Variants in PCLO observed in about 807,000 individuals in gnomAD.
PCLO encodes piccolo presynaptic cytomatrix protein.
Under a neutral mutation model 427.5 loss-of-function variants are expected in PCLO, and 82 were observed. That is an observed-to-expected ratio of 0.19 (90% CI 0.16 to 0.23). The LOEUF is 0.23. PCLO is among the 10% of genes least tolerant of loss of function. PCLO has a pLI of 1.00. For synonymous variants in PCLO, 2,357 were observed against 2,155.4 expected (o/e 1.09, Z -2.59); for missense variants, 6,239 against 6,115.9 (o/e 1.02, Z -0.67).
At chr7:83,092,260 T>C (rs551632472) in intron 3 of PCLO, among the ~76,000 whole-genome samples, 1 of 152,280 alleles carries the variant, frequency 6.6e-6, no homozygotes, top group East Asian at 1.9e-4. Context: ...ATTAGAGACA[T>C]GATAGCTTTT....
At chr7:83,160,906 T>C (rs1792419356) in intron 1 of PCLO, among the ~76,000 whole-genome samples, 1 of 152,176 alleles carries the variant, frequency 6.6e-6, no homozygotes, top group African/African-American at 2.4e-5. Context: ...TGTGAAAGTC[T>C]ACTGAATGAA....
intron 10 of PCLO, among the ~76,000 whole-genome samples, chr7:82,874,968 T>C (rs939490776): frequency 1.3e-5 from 2 of 152,154 alleles, no homozygotes; most frequent in Non-Finnish European, 2.9e-5. Flanking sequence ...TAGCAAGAAA[T>C]AGCACTTCAG....
At chr7:82,864,283 C>T (rs1793037447) in intron 10 of PCLO, among the ~76,000 whole-genome samples, 1 of 151,958 alleles carries the variant, frequency 6.6e-6, no homozygotes, top group Admixed American at 6.6e-5. Flanking sequence ...AAATTCTGGG[C>T]CACTTATATC....
At chr7:82,781,278 C>A (rs192713994) in intron 22 of PCLO, among the ~76,000 whole-genome samples, 32 of 151,664 alleles carry the variant, frequency 2.1e-4, no homozygotes, top group Admixed American at 5.9e-4. Flanking sequence ...TATAAAGAAA[C>A]TGCCATTTCT....
At chr7:82,776,558 G>A (rs187479874) in intron 22 of PCLO, among the ~76,000 whole-genome samples, 1 of 152,346 alleles carries the variant, frequency 6.6e-6, no homozygotes, top group African/African-American at 2.4e-5. Flanking sequence ...ACTTTGGGAG[G>A]CCAAGGCTGG....
At chr7:82,766,979 T>A (rs1790544272) in intron 22 of PCLO, among the ~76,000 whole-genome samples, 1 of 152,180 alleles carries the variant, frequency 6.6e-6, no homozygotes, top group Non-Finnish European at 1.5e-5. Flanking sequence ...GTTGCGTTAA[T>A]TGTGGGTCCA....
rs762818816 is a variant in PCLO at position 82,915,773 on chromosome 7, C to A, written c.12213G>T (p.Lys4071Asn). 2 of 1,612,282 alleles carry A rather than the reference C, an allele frequency of 1.2e-6. No homozygotes were observed. The highest frequency in any genetic ancestry group is 2.2e-5 in the East Asian group (1 of 44,636). ...ALSTAFSLHE[K>N]DLSKTDRLLR... ...GGAGACGGTCTGTTTTTGACAGATC[C>A]TTTTCATGAAGGCTAAATGCGGTGC... is the stretch of plus-strand genomic sequence containing the variant. The change falls in exon 7 of 25, where the codon AAG (lysine) becomes AAT (asparagine). Residue 4071 changes from lysine (K) to asparagine (N), a missense_variant. Coordinates refer to ENST00000333891, the MANE Select transcript of PCLO (RefSeq NM_033026.6).
intron 10 of PCLO, among the ~76,000 whole-genome samples, chr7:82,853,263 TA>T (rs1205794601): frequency 6.6e-6 from 1 of 152,108 alleles, no homozygotes; most frequent in Non-Finnish European, 1.5e-5. Context: ...ACAAAATATA[TA>T]AAAATGGGCC....
chr7:82,971,743 T>G (rs1371988698), intron 3 of PCLO, among the ~76,000 whole-genome samples: 2 of 137,990 alleles, frequency 1.4e-5, no homozygotes, highest in African/African-American at 6.1e-5. Flanking sequence ...GTACCAACCA[T>G]ATATATATAT....
chr7:83,023,832 T>C lies in PCLO; in HGVS notation c.3301-57345A>G, dbSNP rs545614025. 3.9e-5 allele frequency among the ~76,000 whole-genome samples: 6 copies of C among 152,300 alleles called. No homozygotes were observed. In the South Asian group the frequency reaches 1.2e-3, roughly 32 times the overall value. On this transcript the variant is annotated intron_variant, in intron 3 of 24. Coordinates refer to ENST00000333891, the MANE Select transcript of PCLO (RefSeq NM_033026.6). ...TAACTCTCTAAATTATTAATGTCATTGATAGCAGAGAAGTGATGTATGGCA... is the reference window on the plus strand; with the variant it reads ...TAACTCTCTAAATTATTAATGTCATCGATAGCAGAGAAGTGATGTATGGCA...
chr7:82,936,875 T>C (rs2116363350), intron 6 of PCLO, among the ~76,000 whole-genome samples: 1 of 151,814 alleles, frequency 6.6e-6, no homozygotes, highest in East Asian at 1.9e-4. Context: ...AAATGTTATT[T>C]GAAGTGAGAG....
At chr7:82,804,824 G>A (rs934921493) in intron 21 of PCLO, among the ~76,000 whole-genome samples, 6 of 152,098 alleles carry the variant, frequency 3.9e-5, no homozygotes, top group Non-Finnish European at 8.8e-5. Flanking sequence ...AAATGGAAAT[G>A]CCATTTTTAG....
rs2129467402 is a variant in PCLO at position 82,756,798 on chromosome 7, T to A, written c.*1777A>T. On this transcript the variant is annotated 3_prime_UTR_variant, in exon 25 of 25. Coordinates refer to ENST00000333891, the MANE Select transcript of PCLO (RefSeq NM_033026.6). ...AGGACTAGGGTAAGACCAGCATTAT[T>A]CATTTAATTTGGGATAGCAAAATTT... 1 of 152,160 alleles carries A rather than the reference T, an allele frequency of 6.6e-6. No individual in the cohort carries two copies. The highest frequency in any genetic ancestry group is 2.4e-5 in the African/African-American group (1 of 41,540). The allele number at this position is 152,160 out of a possible 1,614,324, so 9.4% of individuals were successfully genotyped here. A position where few individuals can be genotyped will look rare whatever the true frequency, so the allele number is the denominator to read the frequency against.
At chr7:83,025,195 G>C (rs1486337252) in intron 3 of PCLO, among the ~76,000 whole-genome samples, 2 of 151,980 alleles carry the variant, frequency 1.3e-5, no homozygotes, top group Non-Finnish European at 2.9e-5. Flanking sequence ...CAAAGAAGTT[G>C]AAAACTTTGA....
chr7:82,795,243 T>C (rs563581184), intron 22 of PCLO, among the ~76,000 whole-genome samples: 2 of 152,316 alleles, frequency 1.3e-5, no homozygotes, highest in African/African-American at 4.8e-5. Context: ...CATTGGAATT[T>C]ATAATAATCA....
intron 3 of PCLO, among the ~76,000 whole-genome samples, chr7:82,982,478 C>G (rs1300990027): frequency 6.6e-6 from 1 of 152,052 alleles, no homozygotes; most frequent in Non-Finnish European, 1.5e-5. Flanking sequence ...GGGGTCATGA[C>G]TGAAACATCA....
chr7:82,935,285 C>A (rs1196029598), intron 6 of PCLO, among the ~76,000 whole-genome samples: 1 of 150,316 alleles, frequency 6.7e-6, no homozygotes, highest in Non-Finnish European at 1.5e-5. Context: ...TTCAGGATAG[C>A]CTTCAACAAC....
At chr7:83,146,636 A>G (rs139950382) in intron 2 of PCLO, among the ~76,000 whole-genome samples, 4,826 of 149,734 alleles carry the variant, frequency 0.032, 270 homozygotes, top group African/African-American at 0.11. Context: ...CACTCTCGTC[A>G]CCCAGGGTGG....
intron 3 of PCLO, among the ~76,000 whole-genome samples, chr7:83,104,262 A>C (rs1302008690): frequency 6.6e-6 from 1 of 152,058 alleles, no homozygotes; most frequent in Non-Finnish European, 1.5e-5. Flanking sequence ...AAGTAAATTC[A>C]AAAGTCTTAT....
Sources: allele counts gnomAD v4.1 joint callset (sites outside exome capture counted in the v4.1 genomes callset), GRCh38; gene constraint gnomAD v4.1.1; transcripts MANE v1.5; gene names NCBI Gene and HGNC (gene_info 2026-07-23, HGNC 2026-07-21).